Variants in ARHGAP6 observed in about 807,000 individuals in gnomAD.
The protein encoded by ARHGAP6 is rho GTPase-activating protein 6.
Under a neutral mutation model 55.7 loss-of-function variants are expected in ARHGAP6, and 16 were observed. The observed-to-expected ratio is 0.29, with a 90% CI of 0.19 to 0.44. The LOEUF (loss-of-function observed/expected upper bound fraction) is 0.44. ARHGAP6 is among the 20% of genes least tolerant of loss of function. The pLI is 1.00. For missense variants in ARHGAP6, 698 were observed against 808.9 expected, an observed-to-expected ratio of 0.86 and a Z score of 1.66; for synonymous variants, 382 against 360.9, an observed-to-expected ratio of 1.06 and a Z score of -0.66.
At chrX:11,660,904 G>A (rs1050274578) in intron 1 of ARHGAP6, among the ~76,000 whole-genome samples, 1 of 110,762 alleles carries the variant, frequency 9.0e-6, no homozygotes, top group Non-Finnish European at 1.9e-5. Context: ...ATCATCACCC[G>A]CCCCTCTCTG....
intron 1 of ARHGAP6, among the ~76,000 whole-genome samples, chrX:11,460,027 C>A (rs1443570843): frequency 2.7e-5 from 3 of 112,030 alleles, no homozygotes; most frequent in East Asian, 5.6e-4. Context: ...GGTATAACCC[C>A]TTCCCATGTG....
intron 1 of ARHGAP6, among the ~76,000 whole-genome samples, chrX:11,379,860 C>G (rs2049242542): frequency 9.0e-6 from 1 of 110,526 alleles, no homozygotes; most frequent in African/African-American, 3.3e-5. Flanking sequence ...TATAGCCAAG[C>G]AGTAGGAATC....
intron 1 of ARHGAP6, among the ~76,000 whole-genome samples, chrX:11,448,354 T>A (rs1212551012): frequency 9.0e-6 from 1 of 111,541 alleles, no homozygotes; most frequent in Non-Finnish European, 1.9e-5. Flanking sequence ...ATACCCTCCT[T>A]CCTCAAGTTG....
chrX:11,518,264 T>C (rs921931951), intron 1 of ARHGAP6, among the ~76,000 whole-genome samples: 8 of 109,857 alleles, frequency 7.3e-5, no homozygotes, highest in Non-Finnish European at 7.6e-5. Flanking sequence ...CCTCAGCCTC[T>C]CGAGTAGCTG....
intron 2 of ARHGAP6, chrX:11,225,747 A>G: frequency 1.7e-6 from 1 of 591,071 alleles, no homozygotes; most frequent in Non-Finnish European, 2.6e-6. Flanking sequence ...CACATGAGCA[A>G]TTCACAAAGG....
chrX:11,432,099 A>G (rs2049945869), intron 1 of ARHGAP6, among the ~76,000 whole-genome samples: 1 of 112,704 alleles, frequency 8.9e-6, no homozygotes, highest in Non-Finnish European at 1.9e-5. Context: ...GGAAAGGCAT[A>G]ATCACCCCTG....
intron 1 of ARHGAP6, among the ~76,000 whole-genome samples, chrX:11,446,338 G>A (rs1255226864): frequency 9.0e-6 from 1 of 111,395 alleles, no homozygotes; most frequent in Non-Finnish European, 1.9e-5. Context: ...TGTTCCAAGT[G>A]AAAAATTCAG....
At chrX:11,178,006 T>A in intron 8 of ARHGAP6, 94 bp downstream of exon 8, 2 of 1,083,263 alleles carry the variant, frequency 1.8e-6, no homozygotes, top group Non-Finnish European at 2.5e-6. Context: ...GGAGACATCA[T>A]TACCTCCAGG....
At chrX:11,455,977 A>C (rs944876037) in intron 1 of ARHGAP6, among the ~76,000 whole-genome samples, 13 of 112,363 alleles carry the variant, frequency 1.2e-4, no homozygotes, top group African/African-American at 3.9e-4. Flanking sequence ...ACTCAAGAGA[A>C]TCCACAGATA....
intron 1 of ARHGAP6, among the ~76,000 whole-genome samples, chrX:11,364,350 T>G (rs2049048403): frequency 9.7e-6 from 1 of 103,434 alleles, no homozygotes; most frequent in South Asian, 4.3e-4. Context: ...CCTTTGAAAC[T>G]AAAAATGTTA....
chrX:11,465,292 A>G (rs1405021097), intron 1 of ARHGAP6, among the ~76,000 whole-genome samples: 1 of 112,138 alleles, frequency 8.9e-6, no homozygotes, highest in Non-Finnish European at 1.9e-5. Context: ...AAGGAAACTT[A>G]GGCTCAGAGA....
intron 1 of ARHGAP6, among the ~76,000 whole-genome samples, chrX:11,382,873 C>A (rs896182295): frequency 8.9e-6 from 1 of 112,228 alleles, no homozygotes; most frequent in African/African-American, 3.2e-5. Flanking sequence ...GAGGTCAAAG[C>A]AGCTTATACG....
At chrX:11,523,536 G>A (rs971150419) in intron 1 of ARHGAP6, among the ~76,000 whole-genome samples, 1 of 112,097 alleles carries the variant, frequency 8.9e-6, no homozygotes, top group Non-Finnish European at 1.9e-5. Flanking sequence ...CTTCAGCAAA[G>A]TCTCAGGATA....
chrX:11,321,383 G>T (rs2048430688), intron 1 of ARHGAP6, among the ~76,000 whole-genome samples: 1 of 111,566 alleles, frequency 9.0e-6, no homozygotes, highest in South Asian at 3.7e-4. Context: ...AGTATAAAAA[G>T]CAGGAAAAGT....
intron 1 of ARHGAP6, among the ~76,000 whole-genome samples, chrX:11,316,972 G>A (rs922510853): frequency 2.7e-5 from 3 of 112,166 alleles, no homozygotes; most frequent in African/African-American, 6.5e-5. Flanking sequence ...ATTATATGAC[G>A]GGTATTTATT....
intron 1 of ARHGAP6, among the ~76,000 whole-genome samples, chrX:11,615,118 T>C (rs1387102295): frequency 1.8e-5 from 2 of 110,734 alleles, no homozygotes; most frequent in Non-Finnish European, 3.8e-5. Context: ...TACTCCTATG[T>C]TCTCCTTTTC....
chrX:11,579,995 A>G (rs1373457119), intron 1 of ARHGAP6, among the ~76,000 whole-genome samples: 2 of 111,164 alleles, frequency 1.8e-5, no homozygotes, highest in African/African-American at 6.5e-5. Flanking sequence ...TAATGTCACA[A>G]AAGAACAGAA....
intron 1 of ARHGAP6, among the ~76,000 whole-genome samples, chrX:11,348,286 C>T (rs148083091): frequency 6.2e-5 from 7 of 112,403 alleles, no homozygotes; most frequent in African/African-American, 2.3e-4. Flanking sequence ...GGTTTTGGTT[C>T]GTAGGTCAGC....
At chrX:11,394,617 A>C (rs2049453966) in intron 1 of ARHGAP6, among the ~76,000 whole-genome samples, 1 of 112,221 alleles carries the variant, frequency 8.9e-6, no homozygotes, top group Admixed American at 9.5e-5. Context: ...AATTAATCTT[A>C]TACATTCAAA....
Sources: gnomAD v4.1 joint callset for allele counts (sites outside exome capture counted in the v4.1 genomes callset) on GRCh38, gnomAD v4.1.1 for gene constraint, MANE v1.5 for transcripts, NCBI Gene and HGNC (gene_info 2026-07-23, HGNC 2026-07-21) for gene names.